ZFYVE16: variants seen among roughly 807,000 people sequenced by gnomAD.
ZFYVE16 encodes the protein zinc finger FYVE domain-containing protein 16.
A neutral mutation model predicts 138.1 loss-of-function variants in ZFYVE16; 89 were observed. The observed-to-expected ratio is 0.64, with a 90% CI of 0.54 to 0.77. The LOEUF (loss-of-function observed/expected upper bound fraction) is 0.77, where lower values mean the gene tolerates loss of function less well. ZFYVE16 is among the 30% of genes least tolerant of loss of function. The probability of loss-of-function intolerance (pLI) is 0.00; values close to 1 mark genes in which losing one functional copy is unlikely to be tolerated. For synonymous variants in ZFYVE16, 596 were observed against 618.3 expected (o/e 0.96, Z 0.53); for missense variants, 1,793 against 1,786.7 (o/e 1.00, Z -0.06).
intron 4 of ZFYVE16, among the ~76,000 whole-genome samples, chr5:80,439,330 A>G (rs1219477853): frequency 6.6e-6 from 1 of 152,218 alleles, no homozygotes; most frequent in Non-Finnish European, 1.5e-5. Flanking sequence ...AGATTTGGTC[A>G]GATTCCCCTT....
rs188429625 is a variant in ZFYVE16, at chr5:80,426,501, G to A, written c.-93-991G>A. ...GTCTGGTTCCCCTCCCTGTGTCCACGTGTTCTCATTGTTCACCTCCCACTT... is the reference window on the plus strand; with the variant it reads ...GTCTGGTTCCCCTCCCTGTGTCCACATGTTCTCATTGTTCACCTCCCACTT... On this transcript the variant is annotated intron_variant, in intron 1 of 18. Transcript: ENST00000505560. 6.2e-3 allele frequency among the ~76,000 whole-genome samples: 887 copies of A among 142,770 alleles called. 9 individuals are homozygous for A. Among genetic ancestry groups the A allele is most frequent in the African/African-American group, 0.022 (814 of 37,728 alleles). The allele number at this position is 142,770 out of a possible 152,430, so 93.7% of individuals were successfully genotyped here. A position where few individuals can be genotyped will look rare whatever the true frequency, so the allele number is the denominator to read the frequency against.
chr5:80,413,027 T>C (rs1278398053), intron 1 of ZFYVE16, among the ~76,000 whole-genome samples: 1 of 151,302 alleles, frequency 6.6e-6, no homozygotes, highest in South Asian at 2.1e-4. Flanking sequence ...ATAAACAAAA[T>C]TAGCTGGGTT....
At chr5:80,449,493 G>A in intron 8 of ZFYVE16, 98 bp from the exon 9 acceptor site, 1 of 1,263,430 alleles carries the variant, frequency 7.9e-7, no homozygotes, top group South Asian at 1.4e-5. Flanking sequence ...TTTTAAATTT[G>A]ATCAGGCCAC....
intron 7 of ZFYVE16, among the ~76,000 whole-genome samples, chr5:80,445,892 A>C (rs974504999): frequency 5.6e-5 from 8 of 142,974 alleles, no homozygotes; most frequent in African/African-American, 2.1e-4. Flanking sequence ...CACACCTGGC[A>C]GATTTTACCT....
In ZFYVE16 at chr5:80,451,472, A is replaced by T. The variant is rs249039; in HGVS notation, c.3383-13A>T. The T allele has an allele frequency of 6.3e-7, 1 of 1,576,004 alleles. No homozygotes were observed. Among genetic ancestry groups the T allele is most frequent in the Non-Finnish European group, 8.6e-7 (1 of 1,159,508 alleles). On this transcript the variant is annotated splice_polypyrimidine_tract_variant and intron_variant, in intron 10 of 18. Transcript: ENST00000505560. ...ACAACTTAAAATCTTTTTACTAATG[A>T]TTTTATTTGCAGGAAAATACATAGA...
At chr5:80,445,557 T>A in intron 7 of ZFYVE16, 152 bp downstream of exon 7, 1 of 687,130 alleles carries the variant, frequency 1.5e-6, no homozygotes, top group East Asian at 3.0e-5. Context: ...TATTTTAGAT[T>A]TTACCCCCTT....
At chr5:80,432,145 A>G (rs1229199145) in intron 2 of ZFYVE16, among the ~76,000 whole-genome samples, 3 of 152,134 alleles carry the variant, frequency 2.0e-5, no homozygotes, top group African/African-American at 4.8e-5. Context: ...TAAGCCAAAA[A>G]AACAAAGCTG....
rs756468812 is a variant in ZFYVE16 at position 80,438,307 on chromosome 5, A to G, written c.1622A>G (p.Tyr541Cys). The G allele has an allele frequency of 6.2e-7, 1 of 1,614,068 alleles. No homozygotes were observed. Among genetic ancestry groups the G allele is most frequent in the Non-Finnish European group, 8.5e-7 (1 of 1,179,954 alleles). The change falls in exon 4 of 19, where the codon TAT becomes TGT. Residue 541 changes from tyrosine to cysteine, a missense_variant. Tyr to Cys is a radical substitution (Grantham distance 194). Transcript: ENST00000505560. Reference sequence around the variant, plus strand: ...CTTGATGCCTTTCTGACAGAACAGTATCTTCAGACCACTAACATAAAGTCT... The same window carrying G: ...CTTGATGCCTTTCTGACAGAACAGTGTCTTCAGACCACTAACATAAAGTCT... ...AELDAFLTEQ[Y>C]LQTTNIKSFE...
intron 11 of ZFYVE16, chr5:80,454,530 G>C (rs1256946796): frequency 6.8e-6 from 1 of 147,922 alleles, no homozygotes; most frequent in Non-Finnish European, 1.5e-5. Flanking sequence ...TTTTTGAGAC[G>C]GAGTCTCACT....
chr5:80,421,351 T>C (rs976699946), intron 1 of ZFYVE16, among the ~76,000 whole-genome samples: 3 of 152,224 alleles, frequency 2.0e-5, no homozygotes, highest in Non-Finnish European at 2.9e-5. Flanking sequence ...TTTGGTGTTT[T>C]AGACATGAAG....
chr5:80,438,509 C>A lies in ZFYVE16; in HGVS notation c.1824C>A (p.Gly608=), dbSNP rs771429295. 1.2e-6 allele frequency: 2 copies of A among 1,613,358 alleles called. No individual in the cohort carries two copies. The highest frequency in any genetic ancestry group is 1.1e-5 in the South Asian group (1 of 91,036). The change falls in exon 4 of 19, where the codon GGC becomes GGA. Residue 608 remains glycine (G), a synonymous_variant. Transcript: ENST00000505560. ...IVDKQNTIEN[G]LSLGEKSTIP... is the part of the protein sequence containing the mutation. The stretch of plus-strand genomic sequence containing the variant: ...ATAAACAAAATACAATAGAAAATGG[C>A]CTTTCTTTAGGAGAAAAAAGCACTA...
rs1238923527 is a variant in ZFYVE16 at position 80,438,485 on chromosome 5, TAAAC to T, written c.1804_1807del (p.Gln602IlefsTer3). 27 of 1,613,452 alleles carry T rather than the reference TAAAC, an allele frequency of 1.7e-5. No individual in the cohort carries two copies. Among genetic ancestry groups the T allele is most frequent in the South Asian group, 5.5e-5 (5 of 91,032 alleles). On this transcript the variant is annotated frameshift_variant, in exon 4 of 19. Transcript: ENST00000505560. LOFTEE classifies it high-confidence loss of function. ...TTAATATAATTTGTGAAATAGTTGA[TAAAC>T]AAAATACAATAGAAAATGGCCTTTC...
intron 15 of ZFYVE16, among the ~76,000 whole-genome samples, chr5:80,472,066 C>T (rs1561336507): frequency 6.6e-6 from 1 of 151,962 alleles, no homozygotes; most frequent in Non-Finnish European, 1.5e-5. Flanking sequence ...GTTCTGTTCC[C>T]CATGCTGTAA....
chr5:80,469,767 A>G (rs150624889), intron 15 of ZFYVE16, among the ~76,000 whole-genome samples: 182 of 148,326 alleles, frequency 1.2e-3, no homozygotes, highest in African/African-American at 4.3e-3. Context: ...TGTGTTCTTC[A>G]GATTGGATAC....
intron 1 of ZFYVE16, among the ~76,000 whole-genome samples, chr5:80,410,991 G>A (rs1745362415): frequency 6.9e-6 from 1 of 144,336 alleles, no homozygotes; most frequent in East Asian, 2.1e-4. Flanking sequence ...TTTTTGAGAT[G>A]GAGTCTCGCT....
chr5:80,419,139 G>A (rs1746704194), intron 1 of ZFYVE16, among the ~76,000 whole-genome samples: 1 of 150,688 alleles, frequency 6.6e-6, no homozygotes, highest in Non-Finnish European at 1.5e-5. Context: ...GTGCAGTGGT[G>A]TAATCATGGC....
In ZFYVE16 at chr5:80,433,340, A is replaced by C. The variant is rs144657553; in HGVS notation, c.-39-769A>C. Among the ~76,000 whole-genome samples the C allele has an allele frequency of 6.2e-3, 949 of 152,314 alleles. 10 individuals carry two copies. Among genetic ancestry groups the C allele is most frequent in the African/African-American group, 0.021 (877 of 41,576 alleles). On this transcript the variant is annotated intron_variant, in intron 2 of 18. Transcript: ENST00000505560. ...TTCTCAGCCAACTATCGCAAGGACGAAAAACCAAACACCGCATATTCTCAC... is the reference window on the plus strand; with the variant it reads ...TTCTCAGCCAACTATCGCAAGGACGCAAAACCAAACACCGCATATTCTCAC...
chr5:80,459,228 G>A (rs553954511), intron 14 of ZFYVE16, among the ~76,000 whole-genome samples, 186 bp from the exon 15 acceptor site: 6 of 152,064 alleles, frequency 3.9e-5, no homozygotes, highest in South Asian at 4.2e-4. Flanking sequence ...GCGCCCAGCC[G>A]CATTAAATTA....
chr5:80,473,751 T>TA lies in ZFYVE16; in HGVS notation c.4188-2dup, dbSNP rs1561339570. The TA allele has an allele frequency of 5.0e-6, 8 of 1,592,888 alleles. No homozygotes were observed. Among genetic ancestry groups the TA allele is most frequent in the African/African-American group, 1.3e-5 (1 of 74,358 alleles). ...TTCTATTGTATTATGTTTTATTTCA[T>TA]AGAGTTATCAGTTCAGTGGATGGAA... On this transcript the variant is annotated splice_region_variant and splice_polypyrimidine_tract_variant and intron_variant, in intron 16 of 18. Transcript: ENST00000505560.
Sources: gnomAD v4.1 joint callset for allele counts (sites outside exome capture counted in the v4.1 genomes callset) on GRCh38, gnomAD v4.1.1 for gene constraint, MANE v1.5 for transcripts, NCBI Gene and HGNC (gene_info 2026-07-23, HGNC 2026-07-21) for gene names.